Variants in FCGRT observed in about 807,000 individuals in gnomAD.
FCGRT encodes the protein IgG receptor FcRn large subunit p51.
Under a neutral mutation model 35.7 loss-of-function variants are expected in FCGRT, and 13 were observed. That is an observed-to-expected ratio of 0.36 (90% CI 0.24 to 0.58). The LOEUF (loss-of-function observed/expected upper bound fraction) is 0.58. Ranked by LOEUF, FCGRT falls within the 20% of genes least tolerant of loss-of-function variation. The pLI is 0.77. For missense variants in FCGRT, 455 were observed against 474.9 expected (o/e 0.96, Z 0.39); for synonymous variants, 233 against 216.5 (o/e 1.08, Z -0.67).
chr19:49,520,130 CTTT>C (rs952631701), intron 4 of FCGRT, among the ~76,000 whole-genome samples: 4 of 99,504 alleles, frequency 4.0e-5, no homozygotes, highest in African/African-American at 4.1e-5. Context: ...CGCGCCCGGG[CTTT>C]TTTTTTTTTT....
intron 4 of FCGRT, among the ~76,000 whole-genome samples, chr19:49,515,828 C>T (rs2080004231): frequency 6.6e-6 from 1 of 152,196 alleles, no homozygotes; most frequent in African/African-American, 2.4e-5. Flanking sequence ...AATCTCCTCC[C>T]TCTGGGCATT....
At chr19:49,523,626 C>T (rs2080055089) in intron 4 of FCGRT, among the ~76,000 whole-genome samples, 1 of 150,884 alleles carries the variant, frequency 6.6e-6, no homozygotes, top group Non-Finnish European at 1.5e-5. Context: ...TTTGGGAGGC[C>T]CAGGCGGATG....
Position 49,514,119 on chromosome 19 carries a change from C to G in FCGRT, c.311C>G (p.Ala104Gly). 6.2e-7 allele frequency: 1 copy of G among 1,612,836 alleles called. No individual in the cohort carries two copies. The highest frequency in any genetic ancestry group is 8.5e-7 in the Non-Finnish European group (1 of 1,179,858). Residue 104 changes from alanine (A) to glycine (G), a missense_variant, in exon 3 of 7, where the codon GCT becomes GGT. By Grantham distance (60) the Ala-to-Gly change is moderately conservative. Coordinates refer to ENST00000221466, the MANE Select transcript of FCGRT (RefSeq NM_001136019.3). ...KEKLFLEAFKALGGKGPYTLQ... is the reference protein window; with the variant it reads ...KEKLFLEAFKGLGGKGPYTLQ... Reference sequence around the variant, plus strand: ...AAGCTCTTTCTGGAAGCTTTCAAAGCTTTGGGGGGAAAAGGTGAGATTCCG... The same window carrying G: ...AAGCTCTTTCTGGAAGCTTTCAAAGGTTTGGGGGGAAAAGGTGAGATTCCG...
chr19:49,513,953 G>A lies in FCGRT; in HGVS notation c.145G>A (p.Val49Met). Residue 49 changes from valine (V) to methionine (M), a missense_variant, in exon 3 of 7, where the codon GTG (valine) becomes ATG (methionine). Val to Met is a conservative substitution (Grantham distance 21). This residue lies in a region of FCGRT where 136 missense variants were observed against 158.9 expected (regional missense o/e 0.86). Transcript: ENST00000221466. ...TGCCCCGGGGACTCCTGCCTTCTGGGTGTCCGGCTGGCTGGGCCCGCAGCA... is the reference window on the plus strand; with the variant it reads ...TGCCCCGGGGACTCCTGCCTTCTGGATGTCCGGCTGGCTGGGCCCGCAGCA... ...SPAPGTPAFW[V>M]SGWLGPQQYL... 3 of 1,614,018 alleles carry A rather than the reference G, an allele frequency of 1.9e-6. No homozygotes were observed. The highest frequency in any genetic ancestry group is 1.1e-5 in the South Asian group (1 of 91,078).
At chr19:49,516,621 A>G (rs1038882317) in intron 4 of FCGRT, among the ~76,000 whole-genome samples, 1 of 149,148 alleles carries the variant, frequency 6.7e-6, no homozygotes, top group African/African-American at 2.5e-5. Context: ...CTGTGGCGCA[A>G]TCTTGGCTCA....
chr19:49,526,211 G>A lies in FCGRT; in HGVS notation c.*92G>A. 5.8e-6 allele frequency: 5 copies of A among 863,216 alleles called. No individual in the cohort carries two copies. The highest frequency in any genetic ancestry group is 9.6e-6 in the Non-Finnish European group (5 of 519,618). 53.5% of individuals were successfully genotyped at this position (863,216 alleles called of 1,614,324 possible). On this transcript the variant is annotated 3_prime_UTR_variant, in exon 7 of 7. Transcript: ENST00000221466. ...GAACACTGGCATCTCTGAGCCTCCA[G>A]AAGGGGTTCTGGGCCTAGTTGTCCT...
intron 5 of FCGRT, 107 bp from the exon 6 acceptor site, chr19:49,525,350 T>G: frequency 1.2e-6 from 1 of 846,304 alleles, no homozygotes. Context: ...AGACACTTGG[T>G]GCTGGAATCT....
At chr19:49,519,108 C>T (rs895680829) in intron 4 of FCGRT, among the ~76,000 whole-genome samples, 3 of 152,128 alleles carry the variant, frequency 2.0e-5, no homozygotes, top group African/African-American at 7.2e-5. Context: ...TCCCAAAGTA[C>T]TGGGATTACA....
rs76041082 is a variant in FCGRT, at chr19:49,519,411, T to C, written c.601+4925T>C. On this transcript the variant is annotated intron_variant, in intron 4 of 6. Transcript: ENST00000221466. ...TTTTACAGTTAGGTCTGTGATTCAT[T>C]TTCAGGTAATTTGAGTTACTTGTGA... is the stretch of plus-strand genomic sequence containing the variant. Among the ~76,000 whole-genome samples, 11 of 152,292 alleles carry C rather than the reference T, an allele frequency of 7.2e-5. No homozygotes were observed. The East Asian group carries it at 2.1e-3, about 29-fold the overall frequency.
Position 49,514,272 on chromosome 19 carries a change from C to T in FCGRT, c.387C>T (p.Pro129=), listed in dbSNP as rs985504039. The T allele has an allele frequency of 1.9e-6, 3 of 1,610,852 alleles. No individual in the cohort carries two copies. In the African/African-American group the frequency reaches 4.0e-5, roughly 22 times the overall value. Residue 129 remains proline, a synonymous_variant, in exon 4 of 7, where the codon CCC becomes CCT. Transcript: ENST00000221466. ...TGGGCCCTGACAACACCTCGGTGCC[C>T]ACCGCCAAGTTCGCCCTGAACGGCG... ...CELGPDNTSV[P]TAKFALNGEE... is the part of the protein sequence containing the mutation.
chr19:49,524,428 C>T (rs945006473), intron 4 of FCGRT, 79 bp from the exon 5 acceptor site: 18 of 1,456,284 alleles, frequency 1.2e-5, no homozygotes, highest in Non-Finnish European at 1.7e-5. Flanking sequence ...AACATGGAGG[C>T]CTCTTTCTGT....
chr19:49,517,762 G>C (rs1157581977), intron 4 of FCGRT, among the ~76,000 whole-genome samples: 1 of 151,976 alleles, frequency 6.6e-6, no homozygotes, highest in Non-Finnish European at 1.5e-5. Flanking sequence ...GCTCAGTCTC[G>C]GCTCACTGCA....
At chr19:49,523,893 C>G (rs1157508902) in intron 4 of FCGRT, among the ~76,000 whole-genome samples, 2 of 151,310 alleles carry the variant, frequency 1.3e-5, no homozygotes, top group African/African-American at 4.9e-5. Flanking sequence ...AGTTATAGGA[C>G]TACAGACGTT....
intron 4 of FCGRT, 105 bp downstream of exon 4, chr19:49,514,591 A>C (rs2079995984): frequency 2.7e-6 from 3 of 1,108,160 alleles, no homozygotes; most frequent in South Asian, 3.4e-5. Flanking sequence ...ACTGCAGCCC[A>C]CGCTCTGCCC....
chr19:49,521,141 C>G (rs1462045572), intron 4 of FCGRT: 2 of 152,276 alleles, frequency 1.3e-5, no homozygotes, highest in Non-Finnish European at 2.9e-5. Flanking sequence ...GCCATGTAGC[C>G]TTGGACTCCC....
In FCGRT at chr19:49,513,372, C is replaced by CGGGGG; in HGVS notation, c.-14-15_-14-14insGGGGG. The CGGGGG allele has an allele frequency of 8.4e-7, 1 of 1,185,150 alleles. No homozygotes were observed. Among genetic ancestry groups the CGGGGG allele is most frequent in the Non-Finnish European group, 1.1e-6 (1 of 941,978 alleles). The allele number at this position is 1,185,150 out of a possible 1,614,324, so 73.4% of individuals were successfully genotyped here. ...CCGGGGGTCGGGAGGAGTCACGTGC[C>CGGGGG]CCCTCCCGCCCCAGGTCGTCCTCTC... On this transcript the variant is annotated splice_polypyrimidine_tract_variant and intron_variant, in intron 1 of 6. Coordinates refer to ENST00000221466, the MANE Select transcript of FCGRT (RefSeq NM_001136019.3).
chr19:49,521,878 C>G (rs1017116673), intron 4 of FCGRT: 1 of 151,928 alleles, frequency 6.6e-6, no homozygotes, highest in Non-Finnish European at 1.5e-5. Flanking sequence ...CCATGTTGCC[C>G]AGGCTGGTCT....
Position 49,514,400 on chromosome 19 carries a change from A to C in FCGRT, c.515A>C (p.Asn172Thr). 6.2e-7 allele frequency: 1 copy of C among 1,607,458 alleles called. No individual in the cohort carries two copies. The highest frequency in any genetic ancestry group is 1.1e-5 in the South Asian group (1 of 90,636). The change falls in exon 4 of 7, where the codon AAC becomes ACC. Residue 172 changes from asparagine to threonine, a missense_variant. By Grantham distance (65) the Asn-to-Thr change is moderately conservative (BLOSUM62 0). Coordinates refer to ENST00000221466, the MANE Select transcript of FCGRT (RefSeq NM_001136019.3). ...TGGCAGCAGCAGGACAAGGCGGCCA[A>C]CAAGGAGCTCACCTTCCTGCTATTC... is the stretch of plus-strand genomic sequence containing the variant. The part of the protein sequence containing the change: ...QRWQQQDKAA[N>T]KELTFLLFSC...
chr19:49,521,858 C>T (rs1028202084), intron 4 of FCGRT: 4 of 151,822 alleles, frequency 2.6e-5, no homozygotes, highest in Admixed American at 6.6e-5. Context: ...TTTTCAGAGA[C>T]GGGGTTTCTC....
Sources: allele counts gnomAD v4.1 joint callset (sites outside exome capture counted in the v4.1 genomes callset), GRCh38; gene constraint gnomAD v4.1.1; regional missense constraint gnomAD v4.1.1; transcripts MANE v1.5; gene names NCBI Gene and HGNC (gene_info 2026-07-23, HGNC 2026-07-21).